Variants in CDIN1 observed in about 807,000 individuals in gnomAD.
The protein encoded by CDIN1 is CDAN1-interacting nuclease 1.
In CDIN1, 33 loss-of-function variants were observed where a neutral mutation model predicts 45.3. The observed-to-expected ratio is 0.73, with a 90% CI of 0.55 to 0.97. The LOEUF is 0.97. CDIN1 is among the 50% of genes least tolerant of loss of function. CDIN1 has a pLI of 0.00. For missense variants in CDIN1, 303 were observed against 339.4 expected (o/e 0.89, Z 0.84); for synonymous variants, 118 against 124.4 (o/e 0.95, Z 0.34).
At chr15:36,598,113 C>T (rs1027845829) in intron 1 of CDIN1, among the ~76,000 whole-genome samples, 20 of 152,146 alleles carry the variant, frequency 1.3e-4, no homozygotes, top group African/African-American at 4.8e-4. Flanking sequence ...ACCTCACGCT[C>T]CCAAGTAGTT....
intron 8 of CDIN1, 47 bp from the exon 9 acceptor site, chr15:36,709,173 CTTG>C (rs2042968135): frequency 6.9e-7 from 1 of 1,457,128 alleles, no homozygotes; most frequent in Non-Finnish European, 9.3e-7. Flanking sequence ...ATATTCCTAT[CTTG>C]TTAATTGAAT....
At chr15:36,608,178 G>GTT (rs1234736343) in intron 1 of CDIN1, among the ~76,000 whole-genome samples, 6 of 152,116 alleles carry the variant, frequency 3.9e-5, no homozygotes, top group African/African-American at 1.2e-4. Context: ...CTATGTTTTT[G>GTT]TTTCTCTTGG....
chr15:36,615,608 T>G (rs953484109), intron 1 of CDIN1, among the ~76,000 whole-genome samples: 1 of 152,194 alleles, frequency 6.6e-6, no homozygotes, highest in African/African-American at 2.4e-5. Context: ...TGAGACTTAT[T>G]TATGGGCTCA....
chr15:36,722,517 C>T (rs182753579), intron 10 of CDIN1, among the ~76,000 whole-genome samples: 2 of 152,282 alleles, frequency 1.3e-5, no homozygotes, highest in Admixed American at 1.3e-4. Flanking sequence ...TGGTAGCACT[C>T]AGGGCTTCTT....
chr15:36,620,804 T>G (rs2039150426), intron 1 of CDIN1, among the ~76,000 whole-genome samples: 1 of 151,538 alleles, frequency 6.6e-6, no homozygotes. Flanking sequence ...GGCTTAATTT[T>G]GGGGGGGGAC....
chr15:36,640,595 T>C, intron 1 of CDIN1: 1 of 984,530 alleles, frequency 1.0e-6, no homozygotes, highest in South Asian at 4.7e-5. Flanking sequence ...TTCCTTGTGG[T>C]CTTTTTCAGA....
At chr15:36,690,187 AT>A (rs781621173) in intron 5 of CDIN1, among the ~76,000 whole-genome samples, 82 of 152,136 alleles carry the variant, frequency 5.4e-4, no homozygotes, top group Admixed American at 1.8e-3. Context: ...ATCATGCTTC[AT>A]TTTTTCTTTG....
chr15:36,766,986 G>A (rs2053942045), intron 10 of CDIN1, among the ~76,000 whole-genome samples: 1 of 152,036 alleles, frequency 6.6e-6, no homozygotes, highest in African/African-American at 2.4e-5. Flanking sequence ...TGTGCTTTTG[G>A]TGTCATGTCT....
chr15:36,658,593 G>A (rs982624820), intron 5 of CDIN1, among the ~76,000 whole-genome samples: 3 of 151,992 alleles, frequency 2.0e-5, no homozygotes, highest in Non-Finnish European at 4.4e-5. Flanking sequence ...ATAAATATTT[G>A]CCTAGTCTCA....
At chr15:36,692,666 A>T (rs762803047) in intron 7 of CDIN1, among the ~76,000 whole-genome samples, 15 of 152,190 alleles carry the variant, frequency 9.9e-5, no homozygotes, top group Non-Finnish European at 2.1e-4. Context: ...GCTGATTACA[A>T]TCTGAGCCGG....
At chr15:36,657,598 T>G (rs747975969) in intron 4 of CDIN1, among the ~76,000 whole-genome samples, 3 of 152,142 alleles carry the variant, frequency 2.0e-5, no homozygotes, top group Non-Finnish European at 2.9e-5. Context: ...GTTCCATCCT[T>G]TTTGCTCCAA....
intron 1 of CDIN1, among the ~76,000 whole-genome samples, chr15:36,602,821 A>G (rs989289772): frequency 6.6e-6 from 1 of 151,950 alleles, no homozygotes; most frequent in Non-Finnish European, 1.5e-5. Flanking sequence ...TACTAAAAAA[A>G]AATATATATA....
chr15:36,681,343 T>C (rs541175756), intron 5 of CDIN1, among the ~76,000 whole-genome samples: 26 of 152,100 alleles, frequency 1.7e-4, no homozygotes, highest in African/African-American at 6.3e-4. Context: ...TTTAGTGAAT[T>C]CTAGGGTGAC....
chr15:36,770,378 G>C lies in CDIN1; in HGVS notation c.717-37946G>C, dbSNP rs184127678. ...AGGGAGGGAGAGAGAGAAAAGGAGAGGGGAGAGGGAGAATTCAATCTTAAC... is the reference window on the plus strand; with the variant it reads ...AGGGAGGGAGAGAGAGAAAAGGAGACGGGAGAGGGAGAATTCAATCTTAAC... On this transcript the variant is annotated intron_variant, in intron 10 of 10. Transcript: ENST00000566621. Among the ~76,000 whole-genome samples, 3 of 151,798 alleles carry C rather than the reference G, an allele frequency of 2.0e-5. No homozygotes were observed. In the East Asian group the frequency reaches 5.8e-4, roughly 29 times the overall value.
chr15:36,701,109 GATA>G (rs1224214270), intron 8 of CDIN1, among the ~76,000 whole-genome samples: 2 of 88,234 alleles, frequency 2.3e-5, no homozygotes, highest in African/African-American at 4.8e-5. Context: ...TAGATAGATA[GATA>G]GATAGGTAGG....
intron 1 of CDIN1, among the ~76,000 whole-genome samples, chr15:36,587,481 G>A (rs2037359879): frequency 6.6e-6 from 1 of 152,030 alleles, no homozygotes. Context: ...GTTCTTGGTG[G>A]TGAACTTAGG....
At chr15:36,745,056 T>C (rs1056291762) in intron 10 of CDIN1, among the ~76,000 whole-genome samples, 15 of 152,176 alleles carry the variant, frequency 9.9e-5, no homozygotes, top group African/African-American at 3.6e-4. Flanking sequence ...TATGAGCAGA[T>C]TATGATAAAT....
At chr15:36,615,132 A>G (rs2038829340) in intron 1 of CDIN1, among the ~76,000 whole-genome samples, 1 of 152,246 alleles carries the variant, frequency 6.6e-6, no homozygotes, top group South Asian at 2.1e-4. Context: ...AATCTTGAAT[A>G]GCTTACGTAC....
rs549223128 is a variant in CDIN1 at position 36,628,004 on chromosome 15, AT to A, written c.102-16273del. 1.3e-4 allele frequency among the ~76,000 whole-genome samples: 20 copies of A among 151,708 alleles called. No individual in the cohort carries two copies. In the South Asian group the frequency reaches 4.2e-3, roughly 32 times the overall value. On this transcript the variant is annotated intron_variant, in intron 1 of 10. Coordinates refer to ENST00000566621, the MANE Select transcript of CDIN1 (RefSeq NM_001321759.2). ...GTTTATGGAACACTGGCTACAGTAA[AT>A]GTGTGAAACATTGTAAATTTTTTTT...
Sources: allele counts gnomAD v4.1 joint callset (sites outside exome capture counted in the v4.1 genomes callset), GRCh38; gene constraint gnomAD v4.1.1; transcripts MANE v1.5; gene names NCBI Gene and HGNC (gene_info 2026-07-23, HGNC 2026-07-21).